The following ARB2A variants were observed in gnomAD, a reference collection of about 807,000 sequenced individuals.
The protein encoded by ARB2A is cotranscriptional regulator ARB2A.
chr5:93,795,781 G>C, the ARB2A span, among the ~76,000 whole-genome samples: 1 of 151,324 alleles, frequency 6.6e-6, no homozygotes, highest in Non-Finnish European at 1.5e-5. Context: ...ACTAAATGTT[G>C]GATTATGAAG....
the ARB2A span, among the ~76,000 whole-genome samples, chr5:93,789,013 G>T: frequency 6.6e-6 from 1 of 152,156 alleles, no homozygotes; most frequent in Non-Finnish European, 1.5e-5. Flanking sequence ...AAGTCCAAGG[G>T]AATTCCTAAA....
the ARB2A span, chr5:93,741,632 GC>G: frequency 1.4e-6 from 2 of 1,426,774 alleles, no homozygotes; most frequent in Non-Finnish European, 1.8e-6. Flanking sequence ...ACAGCCACCG[GC>G]CCCCTCAAGC....
chr5:93,697,716 C>T, the ARB2A span, among the ~76,000 whole-genome samples: 4 of 152,178 alleles, frequency 2.6e-5, no homozygotes, highest in African/African-American at 7.2e-5. Context: ...CCTGCTGTTA[C>T]GAGCGCAATG....
chr5:93,916,080 C>T, the ARB2A span, among the ~76,000 whole-genome samples: 11 of 151,992 alleles, frequency 7.2e-5, no homozygotes, highest in Non-Finnish European at 8.8e-5. Flanking sequence ...AGAAAAGAAA[C>T]GTTTCATCAG....
At chr5:93,702,867 C>T in the ARB2A span, among the ~76,000 whole-genome samples, 1 of 152,070 alleles carries the variant, frequency 6.6e-6, no homozygotes, top group Non-Finnish European at 1.5e-5. Context: ...AATTATTAAT[C>T]CTTCACCTGG....
the ARB2A span, among the ~76,000 whole-genome samples, chr5:94,043,586 G>A: frequency 5.3e-5 from 8 of 152,112 alleles, no homozygotes; most frequent in Non-Finnish European, 1.2e-4. Flanking sequence ...TTGACTTGTA[G>A]AGCCAATAAA....
chr5:93,651,642 T>C, the ARB2A span, among the ~76,000 whole-genome samples: 4 of 152,162 alleles, frequency 2.6e-5, no homozygotes, highest in African/African-American at 4.8e-5. Context: ...CTAGAAATGA[T>C]AAACATGAGT....
chr5:93,818,754 G>A, the ARB2A span, among the ~76,000 whole-genome samples: 2 of 152,128 alleles, frequency 1.3e-5, no homozygotes, highest in African/African-American at 2.4e-5. Flanking sequence ...CAGCAACAAG[G>A]AGCCTATAAA....
chr5:93,632,203 G>C, the ARB2A span, among the ~76,000 whole-genome samples: 1 of 152,162 alleles, frequency 6.6e-6, no homozygotes, highest in African/African-American at 2.4e-5. Context: ...AACCCAATAG[G>C]GGATGTGAAG....
the ARB2A span, chr5:93,741,059 C>G: frequency 1.2e-6 from 2 of 1,613,964 alleles, no homozygotes; most frequent in Non-Finnish European, 1.7e-6. Flanking sequence ...AGCTGCTGGG[C>G]CTCGAAGCGG....
At chr5:94,015,834 A>C in the ARB2A span, among the ~76,000 whole-genome samples, 1 of 152,188 alleles carries the variant, frequency 6.6e-6, no homozygotes, top group African/African-American at 2.4e-5. Context: ...ACACACTACC[A>C]GGGAAAATCA....
chr5:93,799,553 T>C, the ARB2A span, among the ~76,000 whole-genome samples: 1 of 152,130 alleles, frequency 6.6e-6, no homozygotes, highest in Non-Finnish European at 1.5e-5. Flanking sequence ...GTTTCAAAAA[T>C]TAATGCAAGT....
At chr5:93,745,198 C>T in the ARB2A span, among the ~76,000 whole-genome samples, 2 of 152,308 alleles carry the variant, frequency 1.3e-5, no homozygotes, top group East Asian at 3.9e-4. Flanking sequence ...TAAGAATCAA[C>T]ATCCTTGTAG....
the ARB2A span, among the ~76,000 whole-genome samples, chr5:93,777,952 A>C: frequency 6.6e-6 from 1 of 152,200 alleles, no homozygotes; most frequent in Non-Finnish European, 1.5e-5. Context: ...TGAGATTAGA[A>C]AGTGAAGTTC....
At chr5:93,663,022 CTTTTATAAAGGGAACCTAATTGCA>C in the ARB2A span, among the ~76,000 whole-genome samples, 3 of 152,116 alleles carry the variant, frequency 2.0e-5, no homozygotes, top group African/African-American at 7.2e-5. Flanking sequence ...CCATCAAGCC[CTTTTATAAAGGGAACCTAATTGCA>C]TTGACTAGGA....
the ARB2A span, among the ~76,000 whole-genome samples, chr5:93,695,821 G>A: frequency 6.6e-6 from 1 of 152,172 alleles, no homozygotes; most frequent in Non-Finnish European, 1.5e-5. Context: ...TAAAGAAAAT[G>A]TGGCACATAT....
the ARB2A span, chr5:94,050,862 C>T: frequency 2.1e-6 from 3 of 1,424,108 alleles, no homozygotes; most frequent in East Asian, 4.6e-5. Flanking sequence ...TATTGCTATA[C>T]TTCAAAGTAT....
chr5:94,024,298 G>A, the ARB2A span, among the ~76,000 whole-genome samples: 1 of 152,116 alleles, frequency 6.6e-6, no homozygotes, highest in African/African-American at 2.4e-5. Context: ...CCTCACCCAA[G>A]CAAGAGGGAA....
At chr5:93,637,450 A>T in the ARB2A span, among the ~76,000 whole-genome samples, 1 of 143,452 alleles carries the variant, frequency 7.0e-6, no homozygotes, top group Non-Finnish European at 1.5e-5. Flanking sequence ...TTTCTCTGGG[A>T]TAAACTCCAT....
Sources: gnomAD v4.1 joint callset for allele counts (sites outside exome capture counted in the v4.1 genomes callset) on GRCh38, gnomAD v4.1.1 for gene constraint, MANE v1.5 for transcripts, NCBI Gene and HGNC (gene_info 2026-07-23, HGNC 2026-07-21) for gene names.